MEGF11: variants seen among roughly 807,000 people sequenced by gnomAD.
MEGF11 encodes the protein multiple EGF like domains 11, also known as multiple epidermal growth factor-like domains protein 11.
In MEGF11, 126 loss-of-function variants were observed where a neutral mutation model predicts 146.6. The ratio of observed to expected loss-of-function variants is 0.86; its 90% confidence interval spans 0.74 to 1.00. The LOEUF (loss-of-function observed/expected upper bound fraction) is 1.00. Among genes scored for constraint, MEGF11 ranks in the 50% least tolerant of loss-of-function variants. MEGF11 has a pLI of 0.00. For synonymous variants in MEGF11, 532 were observed against 583.4 expected (o/e 0.91, Z 1.27); for missense variants, 1,509 against 1,521.2 (o/e 0.99, Z 0.13).
intron 1 of MEGF11, among the ~76,000 whole-genome samples, chr15:66,192,234 G>A (rs1377166178): frequency 1.3e-5 from 2 of 151,988 alleles, no homozygotes; most frequent in Non-Finnish European, 2.9e-5. Context: ...TTGAGAGGCC[G>A]AGGCGGGGAG....
chr15:65,910,424 C>CA (rs1241901265), intron 21 of MEGF11, among the ~76,000 whole-genome samples: 4 of 152,178 alleles, frequency 2.6e-5, no homozygotes, highest in African/African-American at 9.7e-5. Context: ...CTCATGAACA[C>CA]ACACGAGTCA....
intron 1 of MEGF11, among the ~76,000 whole-genome samples, chr15:66,153,228 G>A (rs945634739): frequency 1.3e-5 from 2 of 152,176 alleles, no homozygotes; most frequent in African/African-American, 2.4e-5. Context: ...TAGTGGATGG[G>A]CTGGTCCCAT....
chr15:66,236,308 G>A (rs1311509324), intron 1 of MEGF11, among the ~76,000 whole-genome samples: 3 of 152,152 alleles, frequency 2.0e-5, no homozygotes, highest in Non-Finnish European at 4.4e-5. Context: ...GTGCTAATGA[G>A]TTTTGACTTC....
chr15:66,225,196 C>T (rs2091825774), intron 1 of MEGF11, among the ~76,000 whole-genome samples: 1 of 152,254 alleles, frequency 6.6e-6, no homozygotes, highest in African/African-American at 2.4e-5. Flanking sequence ...GGCCCAGCAC[C>T]TCTACCAAGT....
chr15:66,140,755 G>T lies in MEGF11; in HGVS notation c.-8-12344C>A, dbSNP rs528003847. Reference sequence around the variant, plus strand: ...AGGAATAGGGGTGGGGAGTGAGGCCGGTGGGAGGCCAGCCTGGCAGGCTTG... The same window carrying T: ...AGGAATAGGGGTGGGGAGTGAGGCCTGTGGGAGGCCAGCCTGGCAGGCTTG... On this transcript the variant is annotated intron_variant, in intron 1 of 25. Coordinates refer to ENST00000395614, the MANE Select transcript of MEGF11 (RefSeq NM_001385028.1). 2.6e-5 allele frequency among the ~76,000 whole-genome samples: 4 copies of T among 152,284 alleles called. No homozygotes were observed. The East Asian group carries it at 7.7e-4, about 29-fold the overall frequency.
chr15:65,984,616 G>T (rs2081787473), intron 5 of MEGF11, among the ~76,000 whole-genome samples: 1 of 148,434 alleles, frequency 6.7e-6, no homozygotes, highest in Admixed American at 6.8e-5. Flanking sequence ...TCCTCTCTTT[G>T]GGACACACAC....
chr15:66,141,822 G>A (rs547996416), intron 1 of MEGF11, among the ~76,000 whole-genome samples: 2 of 152,244 alleles, frequency 1.3e-5, no homozygotes, highest in South Asian at 4.1e-4. Flanking sequence ...GTCATCCCTT[G>A]GCCTAACATC....
chr15:65,959,426 A>G (rs1312337095), intron 9 of MEGF11, among the ~76,000 whole-genome samples: 1 of 152,236 alleles, frequency 6.6e-6, no homozygotes, highest in South Asian at 2.1e-4. Flanking sequence ...GTTTAGTCTC[A>G]TTAATCAAGT....
At position 66,078,264 on chromosome 15, in the gene MEGF11, G is replaced by A. The variant is rs368961323; in HGVS notation, c.394+16138C>T. On this transcript the variant is annotated intron_variant, in intron 5 of 25. Coordinates refer to ENST00000395614, the MANE Select transcript of MEGF11 (RefSeq NM_001385028.1). ...AAGTACTGGATGAGTTAGGAGAGAT[G>A]CTGAAGCAAGAGCAAAGCCCAGCCT... Among the ~76,000 whole-genome samples, 22 of 152,336 alleles carry A rather than the reference G, an allele frequency of 1.4e-4. No individual in the cohort carries two copies. In the East Asian group the frequency reaches 3.3e-3, roughly 23 times the overall value.
At chr15:66,194,207 G>A (rs2090951581) in intron 1 of MEGF11, among the ~76,000 whole-genome samples, 1 of 152,202 alleles carries the variant, frequency 6.6e-6, no homozygotes, top group Admixed American at 6.5e-5. Context: ...AACCTGGATG[G>A]AACTGGAGAC....
intron 9 of MEGF11, among the ~76,000 whole-genome samples, chr15:65,962,854 C>A (rs146220343): frequency 6.6e-6 from 1 of 152,124 alleles, no homozygotes; most frequent in Non-Finnish European, 1.5e-5. Context: ...TCAGAGCCCC[C>A]ACTCTGAAGA....
chr15:65,959,070 G>T (rs906623767), intron 9 of MEGF11, among the ~76,000 whole-genome samples: 1 of 152,112 alleles, frequency 6.6e-6, no homozygotes, highest in African/African-American at 2.4e-5. Flanking sequence ...CTGCCCTGGT[G>T]AATATTTGGG....
At chr15:66,211,365 T>C (rs940270409) in intron 1 of MEGF11, among the ~76,000 whole-genome samples, 5 of 151,308 alleles carry the variant, frequency 3.3e-5, no homozygotes, top group East Asian at 2.0e-4. Context: ...CTACTAAAAA[T>C]ACAAAAAAAT....
At chr15:66,239,515 C>T (rs759482042) in intron 1 of MEGF11, among the ~76,000 whole-genome samples, 36 of 152,188 alleles carry the variant, frequency 2.4e-4, no homozygotes, top group African/African-American at 4.6e-4. Context: ...CCTACATATG[C>T]GCTTTCCCAG....
At chr15:65,932,953 T>G (rs1355251704) in intron 10 of MEGF11, among the ~76,000 whole-genome samples, 2 of 152,148 alleles carry the variant, frequency 1.3e-5, no homozygotes, top group Non-Finnish European at 2.9e-5. Context: ...TGAGTCTCAG[T>G]TCCCGCATCT....
chr15:66,191,388 T>C (rs2090873451), intron 1 of MEGF11, among the ~76,000 whole-genome samples: 1 of 152,154 alleles, frequency 6.6e-6, no homozygotes, highest in African/African-American at 2.4e-5. Flanking sequence ...CTGCATCACA[T>C]AGTTGGGTGG....
chr15:66,154,309 C>T (rs1458811163), intron 1 of MEGF11, among the ~76,000 whole-genome samples: 1 of 152,252 alleles, frequency 6.6e-6, no homozygotes, highest in African/African-American at 2.4e-5. Context: ...CGCTCGCCCA[C>T]ACTCCATTCT....
At chr15:65,968,359 T>C (rs1203310084) in intron 8 of MEGF11, among the ~76,000 whole-genome samples, 1 of 152,128 alleles carries the variant, frequency 6.6e-6, no homozygotes, top group Non-Finnish European at 1.5e-5. Context: ...GGTGAAAAAC[T>C]CAAACCAGAT....
rs572409396 is a variant in MEGF11, at chr15:66,178,380, G to A, written c.-8-49969C>T. ...TGGGCAGTTGTCCAGCTCCATCCCA[G>A]TTAACACAGGACATGAGGCCTCTAA... On this transcript the variant is annotated intron_variant, in intron 1 of 25. Transcript: ENST00000395614. 2.7e-3 allele frequency among the ~76,000 whole-genome samples: 405 copies of A among 152,296 alleles called. 2 individuals are homozygous for A. Among genetic ancestry groups the A allele is most frequent in the African/African-American group, 9.4e-3 (390 of 41,576 alleles).
Sources: gnomAD v4.1 joint callset for allele counts (sites outside exome capture counted in the v4.1 genomes callset) on GRCh38, gnomAD v4.1.1 for gene constraint, MANE v1.5 for transcripts, NCBI Gene and HGNC (gene_info 2026-07-23, HGNC 2026-07-21) for gene names.